TNR: variants seen among roughly 807,000 people sequenced by gnomAD.
The protein encoded by TNR is tenascin R, also known as tenascin-R.
In TNR, 45 loss-of-function variants were observed where a neutral mutation model predicts 150.4. That is an observed-to-expected ratio of 0.30 (90% CI 0.24 to 0.38). The LOEUF is 0.38. Ranked by LOEUF, TNR falls within the 10% of genes least tolerant of loss-of-function variation. TNR has a pLI of 1.00. For missense variants in TNR, 1,544 were observed against 1,759.1 expected (o/e 0.88, Z 2.19); for synonymous variants, 687 against 678.4 (o/e 1.01, Z -0.20).
chr1:175,650,393 AAAAC>A (rs1008999158), intron 1 of TNR, among the ~76,000 whole-genome samples: 6 of 152,136 alleles, frequency 3.9e-5, no homozygotes, highest in Middle Eastern at 3.4e-3. Flanking sequence ...AGCAAACAAA[AAAAC>A]AAACAAAGAA....
At chr1:175,527,162 G>C (rs1402011376) in intron 2 of TNR, among the ~76,000 whole-genome samples, 1 of 152,186 alleles carries the variant, frequency 6.6e-6, no homozygotes, top group Non-Finnish European at 1.5e-5. Flanking sequence ...CTGCTTGGTT[G>C]CAGAGAACTT....
intron 1 of TNR, among the ~76,000 whole-genome samples, chr1:175,665,484 G>C (rs191297845): frequency 3.9e-5 from 6 of 152,262 alleles, no homozygotes; most frequent in Non-Finnish European, 5.9e-5. Context: ...TATCCTGGAG[G>C]GTCCATCAGA....
intron 20 of TNR, among the ~76,000 whole-genome samples, chr1:175,331,083 T>G (rs1303330818): frequency 3.4e-5 from 3 of 87,044 alleles, no homozygotes; most frequent in African/African-American, 1.1e-4. Context: ...CTTTCCTTCT[T>G]TCTTTCTTTC....
chr1:175,689,093 C>A (rs1666283282), intron 1 of TNR, among the ~76,000 whole-genome samples: 1 of 152,236 alleles, frequency 6.6e-6, no homozygotes, highest in African/African-American at 2.4e-5. Flanking sequence ...AATGCCCTGG[C>A]TGTCTCTGTA....
Position 175,698,558 on chromosome 1 carries a change from G to A in TNR, c.-165+44668C>T, listed in dbSNP as rs151222873. Among the ~76,000 whole-genome samples, 729 of 152,226 alleles carry A rather than the reference G, an allele frequency of 4.8e-3. 13 individuals carry two copies. The highest frequency in any genetic ancestry group is 2.8e-3 in the Non-Finnish European group (188 of 67,998). ...CCAGTGGGAAATAAGAGGTGGTGTC[G>A]GCCGGGTGCAGTGGCTCATGCCTGT... On this transcript the variant is annotated intron_variant, in intron 1 of 22. Coordinates refer to ENST00000367674, the MANE Select transcript of TNR (RefSeq NM_003285.3).
intron 1 of TNR, among the ~76,000 whole-genome samples, chr1:175,653,130 G>A (rs551806993): frequency 2.0e-5 from 3 of 152,286 alleles, no homozygotes. Flanking sequence ...TGTACATGAA[G>A]TTTTCTTATA....
At chr1:175,364,924 T>C (rs1313674664) in intron 12 of TNR, 86 bp downstream of exon 12, 2 of 1,479,162 alleles carry the variant, frequency 1.4e-6, no homozygotes, top group East Asian at 4.6e-5. Flanking sequence ...ACTCCTTGGG[T>C]CTTTCTCTTT....
At chr1:175,674,268 A>ATTTTC (rs769107770) in intron 1 of TNR, among the ~76,000 whole-genome samples, 3 of 152,100 alleles carry the variant, frequency 2.0e-5, no homozygotes, top group Non-Finnish European at 4.4e-5. Flanking sequence ...ATGAATGCTC[A>ATTTTC]TTTTCTTTTC....
intron 8 of TNR, among the ~76,000 whole-genome samples, chr1:175,380,184 G>A (rs74126993): frequency 0.026 from 3,936 of 152,294 alleles, 161 homozygotes; most frequent in African/African-American, 0.089. Flanking sequence ...GCCTTCCTCT[G>A]TGTTTACTTG....
rs545485947 is a variant in TNR at position 175,578,650 on chromosome 1, C to T, written c.-164-50281G>A. ...TCACTGCCTCTGCCTAGTCTCTGGC[C>T]CCTAATGGCTTCAGTGATGTGGCTT... is the stretch of plus-strand genomic sequence containing the variant. On this transcript the variant is annotated intron_variant, in intron 1 of 22. Coordinates refer to ENST00000367674, the MANE Select transcript of TNR (RefSeq NM_003285.3). Among the ~76,000 whole-genome samples, 10 of 152,224 alleles carry T rather than the reference C, an allele frequency of 6.6e-5. No homozygotes were observed. The South Asian group carries it at 2.1e-3, about 32-fold the overall frequency.
At chr1:175,565,441 G>A (rs979987222) in intron 1 of TNR, among the ~76,000 whole-genome samples, 28 of 152,294 alleles carry the variant, frequency 1.8e-4, no homozygotes, top group African/African-American at 5.8e-4. Flanking sequence ...ATCAGGAGCC[G>A]AGGGTAAAAG....
chr1:175,565,148 T>C (rs969174979), intron 1 of TNR, among the ~76,000 whole-genome samples: 6 of 152,244 alleles, frequency 3.9e-5, no homozygotes, highest in Admixed American at 2.0e-4. Flanking sequence ...CTTTCTTTTC[T>C]TTTTACAAAT....
At chr1:175,351,914 A>C (rs1651071044) in intron 18 of TNR, among the ~76,000 whole-genome samples, 1 of 152,224 alleles carries the variant, frequency 6.6e-6, no homozygotes, top group Admixed American at 6.5e-5. Flanking sequence ...GGTATTGGTC[A>C]TGCCCCAAGA....
At position 175,319,032 on chromosome 1, in the gene TNR, C is replaced by T. The variant is rs1402863830; in HGVS notation, c.*4325G>A. 6.6e-6 allele frequency: 1 copy of T among 152,172 alleles called. No individual in the cohort carries two copies. 9.4% of individuals were successfully genotyped at this position (152,172 alleles called of 1,614,324 possible). On this transcript the variant is annotated 3_prime_UTR_variant, in exon 23 of 23. Transcript: ENST00000367674. Reference sequence around the variant, plus strand: ...ATGCAAGGAAGGCGGAAAGTGTCCCCCAACCCCATGCCCTACCTCCTTGGA... The same window carrying T: ...ATGCAAGGAAGGCGGAAAGTGTCCCTCAACCCCATGCCCTACCTCCTTGGA...
At chr1:175,468,250 C>T (rs1657119486) in intron 2 of TNR, among the ~76,000 whole-genome samples, 1 of 151,628 alleles carries the variant, frequency 6.6e-6, no homozygotes, top group South Asian at 2.1e-4. Context: ...GATGTGAATC[C>T]CTGTTCCACC....
chr1:175,572,318 C>T (rs1055714821), intron 1 of TNR, among the ~76,000 whole-genome samples: 1 of 152,150 alleles, frequency 6.6e-6, no homozygotes, highest in African/African-American at 2.4e-5. Flanking sequence ...AAGAATATGA[C>T]ATTTACATCT....
rs1362467246 is a variant in TNR, at chr1:175,403,251, C to T, written c.865G>A (p.Gly289Ser). The T allele has an allele frequency of 6.2e-7, 1 of 1,614,216 alleles. No homozygotes were observed. Among genetic ancestry groups the T allele is most frequent in the Non-Finnish European group, 8.5e-7 (1 of 1,180,040 alleles). The change falls in exon 4 of 23, where the codon GGT becomes AGT. Residue 289 changes from glycine to serine, a missense_variant. By Grantham distance (56) the Gly-to-Ser change is moderately conservative. Transcript: ENST00000367674. ...GTCLCEEGYV[G>S]EDCGQRQCLN... ...CACTGCCGCTGGCCGCAGTCCTCAC[C>T]AACGTAGCCCTCCTCGCATAAACAG...
chr1:175,587,251 G>A (rs1052389523), intron 1 of TNR, among the ~76,000 whole-genome samples: 1 of 152,160 alleles, frequency 6.6e-6, no homozygotes, highest in Admixed American at 6.5e-5. Context: ...GGTCCTGATT[G>A]TTAATAAATA....
At chr1:175,657,882 T>TAC (rs1169589168) in intron 1 of TNR, among the ~76,000 whole-genome samples, 1 of 128,032 alleles carries the variant, frequency 7.8e-6, no homozygotes, top group African/African-American at 2.9e-5. Context: ...TATATATATA[T>TAC]ATGTAACAAA....
Sources: allele counts gnomAD v4.1 joint callset (sites outside exome capture counted in the v4.1 genomes callset), GRCh38; gene constraint gnomAD v4.1.1; transcripts MANE v1.5; gene names NCBI Gene and HGNC (gene_info 2026-07-23, HGNC 2026-07-21).